The following ATP6V1H variants were observed in gnomAD, a reference collection of about 807,000 sequenced individuals.
The protein encoded by ATP6V1H is ATPase H+ transporting V1 subunit H.
A neutral mutation model predicts 71.7 loss-of-function variants in ATP6V1H; 39 were observed. The ratio of observed to expected loss-of-function variants is 0.54; its 90% confidence interval spans 0.42 to 0.71. ATP6V1H has a LOEUF of 0.71. ATP6V1H is among the 30% of genes least tolerant of loss of function. The probability of loss-of-function intolerance (pLI) is 0.00; values close to 1 mark genes in which losing one functional copy is unlikely to be tolerated. For missense variants in ATP6V1H, 509 were observed against 594.9 expected, an observed-to-expected ratio of 0.86 and a Z score of 1.50; for synonymous variants, 192 against 199.3, an observed-to-expected ratio of 0.96 and a Z score of 0.31.
chr8:53,722,952 T>C (rs763252071), intron 13 of ATP6V1H, among the ~76,000 whole-genome samples: 19 of 152,350 alleles, frequency 1.2e-4, no homozygotes, highest in Non-Finnish European at 2.8e-4. Flanking sequence ...TAGTAGAAAG[T>C]GAATTAAATC....
At chr8:53,726,088 A>G (rs1177923101) in intron 13 of ATP6V1H, among the ~76,000 whole-genome samples, 1 of 152,222 alleles carries the variant, frequency 6.6e-6, no homozygotes, top group Non-Finnish European at 1.5e-5. Context: ...GCCACATAAT[A>G]CAAGTTGCCT....
chr8:53,780,444 T>TA lies in ATP6V1H; in HGVS notation c.871-8278dup, dbSNP rs1259589759. Reference sequence around the variant, plus strand: ...ATGAAAAGAAGGAATGAATGGGTTATAAAAAGTAGTTAAGAAACTGAATCT... The same window carrying TA: ...ATGAAAAGAAGGAATGAATGGGTTATAAAAAAGTAGTTAAGAAACTGAATCT... On this transcript the variant is annotated intron_variant, in intron 9 of 13. Coordinates refer to ENST00000359530, the MANE Select transcript of ATP6V1H (RefSeq NM_015941.4). 5.3e-5 allele frequency among the ~76,000 whole-genome samples: 8 copies of TA among 152,348 alleles called. No homozygotes were observed. In the East Asian group the frequency reaches 1.5e-3, roughly 29 times the overall value.
chr8:53,766,906 C>T (rs190950045), intron 11 of ATP6V1H, among the ~76,000 whole-genome samples: 85 of 152,290 alleles, frequency 5.6e-4, no homozygotes, highest in East Asian at 1.9e-3. Context: ...TGTGATCTTG[C>T]CCTGCCTCCA....
At chr8:53,829,301 C>A in intron 4 of ATP6V1H, 143 bp downstream of exon 4, 1 of 576,192 alleles carries the variant, frequency 1.7e-6, no homozygotes, top group Non-Finnish European at 3.0e-6. Flanking sequence ...TAGCAAATTA[C>A]AACCCACATA....
At chr8:53,785,717 G>C (rs1253159781) in intron 9 of ATP6V1H, among the ~76,000 whole-genome samples, 1 of 152,040 alleles carries the variant, frequency 6.6e-6, no homozygotes, top group African/African-American at 2.4e-5. Context: ...TGGGTTTTTG[G>C]AGTGGATGTC....
rs1161541675 is a variant in ATP6V1H at position 53,783,288 on chromosome 8, G to A, written c.871-11121C>T. Among the ~76,000 whole-genome samples, 330 of 152,236 alleles carry A rather than the reference G, an allele frequency of 2.2e-3. 2 individuals are homozygous for A. Among genetic ancestry groups the A allele is most frequent in the African/African-American group, 7.7e-3 (319 of 41,516 alleles). The stretch of plus-strand genomic sequence containing the variant: ...AGTCTTGGGAGGGTGTATGTGTCTA[G>A]GAATTTAACCATTTCTTCTAGATTT... On this transcript the variant is annotated intron_variant, in intron 9 of 13. Transcript: ENST00000359530.
intron 9 of ATP6V1H, among the ~76,000 whole-genome samples, chr8:53,794,012 A>G (rs1809649174): frequency 6.6e-6 from 1 of 152,218 alleles, no homozygotes; most frequent in Non-Finnish European, 1.5e-5. Flanking sequence ...ATCCAAAAGA[A>G]ATATTCATCA....
intron 12 of ATP6V1H, among the ~76,000 whole-genome samples, chr8:53,750,883 A>T (rs1208905200): frequency 6.6e-6 from 1 of 152,236 alleles, no homozygotes; most frequent in East Asian, 1.9e-4. Context: ...ACAATTGAAC[A>T]ATCTACTGAT....
intron 13 of ATP6V1H, among the ~76,000 whole-genome samples, chr8:53,733,358 C>T (rs1807092335): frequency 3.9e-5 from 6 of 152,186 alleles, no homozygotes; most frequent in Admixed American, 3.9e-4. Flanking sequence ...AGAACTCCCC[C>T]ACTATCTTCA....
chr8:53,720,294 CCTA>C (rs58319533), intron 13 of ATP6V1H, among the ~76,000 whole-genome samples: 3,743 of 152,242 alleles, frequency 0.025, 104 homozygotes, highest in African/African-American at 0.072. Flanking sequence ...AGTCTGAAAA[CCTA>C]CTCCCCTTTT....
At chr8:53,761,336 CAAA>C (rs771733286) in intron 11 of ATP6V1H, among the ~76,000 whole-genome samples, 5 of 94,874 alleles carry the variant, frequency 5.3e-5, no homozygotes, top group Non-Finnish European at 4.4e-5. Flanking sequence ...GACTCCGTCT[CAAA>C]AAAAAAAAAA....
intron 12 of ATP6V1H, among the ~76,000 whole-genome samples, chr8:53,755,722 A>G (rs868720785): frequency 1.7e-4 from 1 of 5,774 alleles, no homozygotes; most frequent in Non-Finnish European, 2.8e-4. Flanking sequence ...ATATATATAT[A>G]TATATATATA....
rs1396252117 is a variant in ATP6V1H, at chr8:53,756,807, G to A, written c.1176-151C>T. On this transcript the variant is annotated intron_variant, in intron 11 of 13. Transcript: ENST00000359530. ...GGATTTCACTATTAGACATAAGTTT[G>A]CAGTTTTCAAACCTTCAAACATATA... 1.1e-5 allele frequency: 6 copies of A among 534,486 alleles called. No individual in the cohort carries two copies. The East Asian group carries it at 1.5e-4, about 13-fold the overall frequency. The allele number at this position is 534,486 out of a possible 1,614,324, so 33.1% of individuals were successfully genotyped here. A position where few individuals can be genotyped will look rare whatever the true frequency, so the allele number is the denominator to read the frequency against.
rs1810879908 is a variant in ATP6V1H, at chr8:53,828,074, G to A, written c.306+1370C>T. ...GAATGGCGCTGCAACGAACAAACAC[G>A]TGTGTGTGGTCTTTACAGTAGGACG... On this transcript the variant is annotated intron_variant, in intron 4 of 13. Coordinates refer to ENST00000359530, the MANE Select transcript of ATP6V1H (RefSeq NM_015941.4). 4.6e-5 allele frequency among the ~76,000 whole-genome samples: 7 copies of A among 151,654 alleles called. No homozygotes were observed. The South Asian group carries it at 1.5e-3, about 31-fold the overall frequency.
chr8:53,839,367 A>C (rs1006217818), intron 2 of ATP6V1H, among the ~76,000 whole-genome samples: 11 of 152,196 alleles, frequency 7.2e-5, no homozygotes, highest in Admixed American at 4.6e-4. Flanking sequence ...TTCACAGGGA[A>C]TTTAAACAAT....
At chr8:53,841,873 T>G in intron 1 of ATP6V1H, 148 bp from the exon 2 acceptor site, 2 of 767,160 alleles carry the variant, frequency 2.6e-6, no homozygotes, top group Non-Finnish European at 3.8e-6. Flanking sequence ...AAAGTATCAT[T>G]ATATTTCAAA....
chr8:53,736,183 A>ATT (rs1807196409), intron 13 of ATP6V1H, among the ~76,000 whole-genome samples: 1 of 152,190 alleles, frequency 6.6e-6, no homozygotes, highest in African/African-American at 2.4e-5. Context: ...GCACTTATAT[A>ATT]TAAGTGTCCC....
chr8:53,734,637 A>G (rs1321034743), intron 13 of ATP6V1H, among the ~76,000 whole-genome samples: 3 of 152,234 alleles, frequency 2.0e-5, no homozygotes, highest in Admixed American at 2.0e-4. Flanking sequence ...AAATCCTGCA[A>G]CTATTAGAAG....
chr8:53,786,440 CCTTT>C (rs1249104194), intron 9 of ATP6V1H, among the ~76,000 whole-genome samples: 5 of 152,142 alleles, frequency 3.3e-5, no homozygotes. Flanking sequence ...GTCTGTCACC[CCTTT>C]CTTTGACTAG....
Sources: allele counts gnomAD v4.1 joint callset (sites outside exome capture counted in the v4.1 genomes callset), GRCh38; gene constraint gnomAD v4.1.1; transcripts MANE v1.5; gene names NCBI Gene and HGNC (gene_info 2026-07-23, HGNC 2026-07-21).